SFXN1: variants seen among roughly 807,000 people sequenced by gnomAD.
SFXN1 encodes sideroflexin 1.
A neutral mutation model predicts 39.5 loss-of-function variants in SFXN1; 32 were observed. The ratio of observed to expected loss-of-function variants is 0.81; its 90% CI spans 0.61 to 1.09. The LOEUF (loss-of-function observed/expected upper bound fraction) is 1.09, where lower values mean the gene tolerates loss of function less well. Among genes scored for constraint, SFXN1 ranks in the 50% least tolerant of loss-of-function variants. SFXN1 has a pLI of 0.00. For missense variants in SFXN1, 402 were observed against 407.1 expected (o/e 0.99, Z 0.11); for synonymous variants, 136 against 146.5 (o/e 0.93, Z 0.52).
intron 2 of SFXN1, among the ~76,000 whole-genome samples, chr5:175,495,653 C>T (rs926181898): frequency 5.3e-5 from 8 of 150,856 alleles, no homozygotes; most frequent in Non-Finnish European, 1.2e-4. Flanking sequence ...CACTAGAACC[C>T]GGGAGGCGGA....
chr5:175,485,350 C>G (rs954778798), intron 1 of SFXN1, among the ~76,000 whole-genome samples: 9 of 152,152 alleles, frequency 5.9e-5, no homozygotes, highest in African/African-American at 1.9e-4. Context: ...ACAAGTGGGC[C>G]TTCCTTCTGG....
chr5:175,521,244 C>G (rs1359322155), intron 8 of SFXN1, among the ~76,000 whole-genome samples: 1 of 63,038 alleles, frequency 1.6e-5, no homozygotes, highest in Non-Finnish European at 2.8e-5. Flanking sequence ...CCAACTTGTT[C>G]ATTTCCATTA....
At chr5:175,480,324 C>T (rs569800876) in intron 1 of SFXN1, among the ~76,000 whole-genome samples, 1 of 152,112 alleles carries the variant, frequency 6.6e-6, no homozygotes, top group African/African-American at 2.4e-5. Context: ...TGGCCTGAAC[C>T]CGGGAGGCGG....
intron 1 of SFXN1, among the ~76,000 whole-genome samples, chr5:175,490,187 T>C (rs546503584): frequency 6.6e-6 from 1 of 152,276 alleles, no homozygotes; most frequent in African/African-American, 2.4e-5. Flanking sequence ...GGTAGCAAAG[T>C]TTCTGACCCT....
At chr5:175,504,061 G>T (rs1760197178) in intron 2 of SFXN1, among the ~76,000 whole-genome samples, 1 of 151,484 alleles carries the variant, frequency 6.6e-6, no homozygotes, top group Non-Finnish European at 1.5e-5. Context: ...AGAGGGGGGT[G>T]GGGGAAGGGA....
At chr5:175,511,138 A>G (rs1169405838) in intron 4 of SFXN1, among the ~76,000 whole-genome samples, 1 of 152,180 alleles carries the variant, frequency 6.6e-6, no homozygotes, top group Non-Finnish European at 1.5e-5. Context: ...CTTCCTACAC[A>G]CAGCTCCCCT....
At chr5:175,504,031 G>A (rs1389230170) in intron 2 of SFXN1, among the ~76,000 whole-genome samples, 1 of 142,360 alleles carries the variant, frequency 7.0e-6, no homozygotes, top group Non-Finnish European at 1.5e-5. Context: ...GGGATCCTAT[G>A]GAATACTTAA....
chr5:175,498,859 GA>G (rs1327746291), intron 2 of SFXN1, among the ~76,000 whole-genome samples: 12 of 152,076 alleles, frequency 7.9e-5, no homozygotes, highest in Admixed American at 2.6e-4. Context: ...GAGACAAACA[GA>G]AAACAAATAG....
chr5:175,512,723 T>C (rs1455129962), intron 6 of SFXN1, among the ~76,000 whole-genome samples: 1 of 152,170 alleles, frequency 6.6e-6, no homozygotes, highest in Admixed American at 6.5e-5. Flanking sequence ...AAGTTATACT[T>C]AGTGTTAGTA....
intron 2 of SFXN1, among the ~76,000 whole-genome samples, chr5:175,494,292 C>T (rs2113286314): frequency 6.6e-6 from 1 of 152,220 alleles, no homozygotes; most frequent in Middle Eastern, 3.4e-3. Flanking sequence ...AGGAAAACAA[C>T]GAAAAGCTAT....
At chr5:175,480,396 G>C (rs62386247) in intron 1 of SFXN1, among the ~76,000 whole-genome samples, 7 of 150,338 alleles carry the variant, frequency 4.7e-5, no homozygotes, top group African/African-American at 1.7e-4. Flanking sequence ...GCAAGACTCC[G>C]TCTTAAAAAA....
chr5:175,507,975 A>T (rs901761161), intron 2 of SFXN1, among the ~76,000 whole-genome samples: 7 of 71,474 alleles, frequency 9.8e-5, no homozygotes, highest in Admixed American at 3.0e-4. Context: ...CCTGTCTTTA[A>T]AAAAAAAAAA....
At chr5:175,480,245 C>CA (rs368641622) in intron 1 of SFXN1, among the ~76,000 whole-genome samples, 1,750 of 152,196 alleles carry the variant, frequency 0.011, 35 homozygotes, top group African/African-American at 0.04. Flanking sequence ...ACTAAAAATA[C>CA]AAAAAATTAG....
At chr5:175,496,718 T>A (rs1759872623) in intron 2 of SFXN1, among the ~76,000 whole-genome samples, 1 of 152,228 alleles carries the variant, frequency 6.6e-6, no homozygotes, top group African/African-American at 2.4e-5. Flanking sequence ...GCTTGCATGA[T>A]GTAATTGTAC....
intron 2 of SFXN1, among the ~76,000 whole-genome samples, chr5:175,504,651 T>A (rs992621071): frequency 1.3e-5 from 2 of 152,070 alleles, no homozygotes; most frequent in Non-Finnish European, 2.9e-5. Flanking sequence ...GGGCTATTTA[T>A]AATAGACACA....
At chr5:175,505,380 CA>C (rs1173552379) in intron 2 of SFXN1, among the ~76,000 whole-genome samples, 22 of 144,014 alleles carry the variant, frequency 1.5e-4, no homozygotes, top group African/African-American at 1.3e-4. Flanking sequence ...ACTAAAAATA[CA>C]AAAAAAAAAG....
rs188050504 is a variant in SFXN1 at position 175,511,763 on chromosome 5, C to G, written c.510+237C>G. Among the ~76,000 whole-genome samples, 10 of 152,302 alleles carry G rather than the reference C, an allele frequency of 6.6e-5. No individual in the cohort carries two copies. In the East Asian group the frequency reaches 1.9e-3, roughly 29 times the overall value. ...CTCTGTGTACGAAGTGCTAAATGTT[C>G]ACCCATCCTGACAGCCCACCAGAGG... is the stretch of plus-strand genomic sequence containing the variant. On this transcript the variant is annotated intron_variant, in intron 5 of 10. Coordinates refer to ENST00000321442, the MANE Select transcript of SFXN1 (RefSeq NM_022754.7).
chr5:175,481,868 C>T (rs1438387908), intron 1 of SFXN1, among the ~76,000 whole-genome samples: 1 of 150,008 alleles, frequency 6.7e-6, no homozygotes, highest in Non-Finnish European at 1.5e-5. Context: ...GTGGCCATGC[C>T]CATAAAAAAG....
chr5:175,504,875 C>T (rs892405659), intron 2 of SFXN1, among the ~76,000 whole-genome samples: 2 of 151,874 alleles, frequency 1.3e-5, no homozygotes, highest in African/African-American at 4.8e-5. Flanking sequence ...GCTACAGGCG[C>T]CCGCCACCAC....
Sources: allele counts gnomAD v4.1 joint callset (sites outside exome capture counted in the v4.1 genomes callset), GRCh38; gene constraint gnomAD v4.1.1; transcripts MANE v1.5; gene names NCBI Gene and HGNC (gene_info 2026-07-23, HGNC 2026-07-21).